TENT5D: variants seen among roughly 807,000 people sequenced by gnomAD.
The protein encoded by TENT5D is cancer/testis antigen 112.
For synonymous variants in TENT5D, 103 were observed against 100.6 expected (o/e 1.02, Z -0.15); for missense variants, 191 against 287.0 (o/e 0.67, Z 2.42).
chrX:80,377,780 T>G (rs1454264826), intron 3 of TENT5D, among the ~76,000 whole-genome samples: 1 of 111,971 alleles, frequency 8.9e-6, no homozygotes, highest in Non-Finnish European at 1.9e-5. Flanking sequence ...CAAATGATAT[T>G]TCTAATTCTA....
rs183205337 is a variant in TENT5D, at chrX:80,442,175, G to T, written c.-18-347G>T. The stretch of plus-strand genomic sequence containing the variant: ...TAATTAATCTCAATGATACATTATG[G>T]TTATCCCATGAACAAAATTTATATC... On this transcript the variant is annotated intron_variant, in intron 2 of 2. Transcript: ENST00000308293. 1.9e-3 allele frequency among the ~76,000 whole-genome samples: 208 copies of T among 110,584 alleles called. 3 individuals carry two copies. The highest frequency in any genetic ancestry group is 5.8e-3 in the African/African-American group (176 of 30,560).
At chrX:80,341,866 C>T (rs1165283994) in intron 2 of TENT5D, among the ~76,000 whole-genome samples, 5 of 106,447 alleles carry the variant, frequency 4.7e-5, no homozygotes, top group Admixed American at 1.0e-4. Context: ...CGCCCGCTAC[C>T]ACGCCCGGCT....
intron 3 of TENT5D, among the ~76,000 whole-genome samples, chrX:80,382,879 A>G (rs747966863): frequency 6.3e-4 from 71 of 112,121 alleles, no homozygotes; most frequent in Middle Eastern, 4.6e-3. Flanking sequence ...GAGTGTCGCA[A>G]TTTTCCTGGT....
chrX:80,414,053 C>G (rs1037763651), intron 3 of TENT5D, among the ~76,000 whole-genome samples: 4 of 111,748 alleles, frequency 3.6e-5, no homozygotes, highest in Non-Finnish European at 3.8e-5. Flanking sequence ...TGAAGCTGTT[C>G]TCTGTCATCC....
intron 3 of TENT5D, among the ~76,000 whole-genome samples, chrX:80,411,244 T>TA (rs201545701): frequency 5.0e-4 from 53 of 105,675 alleles, no homozygotes; most frequent in Admixed American, 1.0e-3. Context: ...TAAAGTATAA[T>TA]AAAAAAAAAA....
intron 3 of TENT5D, among the ~76,000 whole-genome samples, chrX:80,395,970 C>T (rs1474230611): frequency 9.3e-6 from 1 of 107,914 alleles, no homozygotes; most frequent in Admixed American, 1.0e-4. Flanking sequence ...CTGTTCCTGG[C>T]CTATTTTTCT....
chrX:80,382,146 A>G (rs1384740106), intron 3 of TENT5D, among the ~76,000 whole-genome samples: 1 of 111,225 alleles, frequency 9.0e-6, no homozygotes, highest in Non-Finnish European at 1.9e-5. Flanking sequence ...TTTGGTGTGG[A>G]TGTCCTTTTT....
At position 80,340,587 on chromosome X, in the gene TENT5D, AT is replaced by A. The variant is rs757105172; in HGVS notation, c.-206-1907del. Among the ~76,000 whole-genome samples, 665 of 110,781 alleles carry A rather than the reference AT, an allele frequency of 6.0e-3. 5 individuals carry two copies. The highest frequency in any genetic ancestry group is 8.4e-3 in the Non-Finnish European group (446 of 52,973). On this transcript the variant is annotated intron_variant, in intron 2 of 4. Coordinates refer to the TENT5D transcript ENST00000538312. ...TACCCACATTCTATGATTTTTGAAT[AT>A]TTTTTCTAAAATTTGCAATAGTATG... is the stretch of plus-strand genomic sequence containing the variant.
At position 80,343,698 on chromosome X, in the gene TENT5D, C is replaced by T. The variant is rs1314118850; in HGVS notation, c.-142+1134C>T. Among the ~76,000 whole-genome samples the T allele has an allele frequency of 3.6e-5, 4 of 111,469 alleles. No homozygotes were observed. In the East Asian group the frequency reaches 1.1e-3, roughly 31 times the overall value. On this transcript the variant is annotated intron_variant, in intron 3 of 4. Transcript: ENST00000538312. ...TACAGGCATGAGCCACCGCGCCTGG[C>T]CCATTTTATTTCTTATATGACTTTG...
chrX:80,358,110 A>T (rs1283419743), intron 3 of TENT5D, among the ~76,000 whole-genome samples: 1 of 112,038 alleles, frequency 8.9e-6, no homozygotes, highest in Non-Finnish European at 1.9e-5. Context: ...CTGGTTAGCC[A>T]TATGTAGAAA....
intron 3 of TENT5D, among the ~76,000 whole-genome samples, chrX:80,373,023 A>G (rs916624906): frequency 9.1e-6 from 1 of 110,376 alleles, no homozygotes; most frequent in Non-Finnish European, 1.9e-5. Flanking sequence ...ATCTTAATCA[A>G]TACAATTTGT....
chrX:80,351,779 C>T (rs1015951392), intron 3 of TENT5D, among the ~76,000 whole-genome samples: 2 of 111,227 alleles, frequency 1.8e-5, no homozygotes, highest in Non-Finnish European at 3.8e-5. Context: ...TCCTCGTGTT[C>T]GTGGATTTAT....
At chrX:80,341,710 C>CTTT (rs1051286979) in intron 2 of TENT5D, among the ~76,000 whole-genome samples, 3 of 91,436 alleles carry the variant, frequency 3.3e-5, no homozygotes, top group Non-Finnish European at 4.4e-5. Flanking sequence ...TAATTCTTTT[C>CTTT]TTTTTTTTTT....
At chrX:80,404,188 G>A (rs1239530851) in intron 3 of TENT5D, among the ~76,000 whole-genome samples, 1 of 111,339 alleles carries the variant, frequency 9.0e-6, no homozygotes, top group Non-Finnish European at 1.9e-5. Context: ...GGGATCACAG[G>A]TCATTATAAA....
chrX:80,438,480 C>CTGTG (rs1190352127), intron 1 of TENT5D, 130 bp from the exon 2 acceptor site: 1 of 103,192 alleles, frequency 9.7e-6, no homozygotes, highest in African/African-American at 3.5e-5. Context: ...ATGTATGCGT[C>CTGTG]TGTGTGTGTA....
intron 3 of TENT5D, among the ~76,000 whole-genome samples, chrX:80,400,066 A>G (rs1222718951): frequency 1.8e-5 from 2 of 111,405 alleles, no homozygotes; most frequent in Admixed American, 9.6e-5. Flanking sequence ...TGCAAGTAGC[A>G]TGACTCAGTC....
intron 3 of TENT5D, among the ~76,000 whole-genome samples, chrX:80,348,581 A>C (rs1163656018): frequency 9.0e-6 from 1 of 111,496 alleles, no homozygotes; most frequent in Non-Finnish European, 1.9e-5. Flanking sequence ...GGGTTTTCTA[A>C]ATATAAAATC....
At chrX:80,432,498 A>T (rs1044543419) in intron 1 of TENT5D, among the ~76,000 whole-genome samples, 4 of 111,969 alleles carry the variant, frequency 3.6e-5, no homozygotes, top group Non-Finnish European at 3.8e-5. Context: ...GCCGAAAGGA[A>T]CCCACTGTTT....
At chrX:80,393,331 C>T (rs1033849784) in intron 3 of TENT5D, among the ~76,000 whole-genome samples, 1 of 110,579 alleles carries the variant, frequency 9.0e-6, no homozygotes, top group African/African-American at 3.3e-5. Flanking sequence ...ATTAGATGCA[C>T]GATTCTCTCA....
Sources: gnomAD v4.1 joint callset for allele counts (sites outside exome capture counted in the v4.1 genomes callset) on GRCh38, gnomAD v4.1.1 for gene constraint, MANE v1.5 for transcripts, NCBI Gene and HGNC (gene_info 2026-07-23, HGNC 2026-07-21) for gene names.